Variants in TFPI observed in about 807,000 individuals in gnomAD.
TFPI encodes the protein tissue factor pathway inhibitor, also known as anti-convertin.
In TFPI, 15 loss-of-function variants were observed where a neutral mutation model predicts 34.6. That is an observed-to-expected ratio of 0.43 (90% CI 0.29 to 0.67). The LOEUF (loss-of-function observed/expected upper bound fraction) is 0.67. TFPI is among the 30% of genes least tolerant of loss of function. The pLI, the probability that TFPI is intolerant of heterozygous loss-of-function variation, is 0.15. For synonymous variants in TFPI, 105 were observed against 120.1 expected, an observed-to-expected ratio of 0.87 and a Z score of 0.82; for missense variants, 301 against 364.0, an observed-to-expected ratio of 0.83 and a Z score of 1.41.
intron 2 of TFPI, chr2:187,499,604 CAGTA>C (rs1176238340): frequency 6.6e-6 from 1 of 150,852 alleles, no homozygotes; most frequent in African/African-American, 2.5e-5. Flanking sequence ...AGCAGGCCCA[CAGTA>C]AGTATCATCA....
chr2:187,549,792 G>C (rs142285093), intron 1 of TFPI, among the ~76,000 whole-genome samples: 11 of 151,640 alleles, frequency 7.3e-5, no homozygotes, highest in African/African-American at 2.7e-4. Context: ...TGTTTTTTAA[G>C]GTGTTATGAA....
intron 1 of TFPI, among the ~76,000 whole-genome samples, chr2:187,552,842 A>G (rs924692100): frequency 1.3e-5 from 2 of 152,124 alleles, no homozygotes; most frequent in African/African-American, 4.8e-5. Context: ...GTTTTCCAAT[A>G]TAACTACTCA....
At chr2:187,470,460 A>C (rs1449781606) in intron 6 of TFPI, among the ~76,000 whole-genome samples, 1 of 152,188 alleles carries the variant, frequency 6.6e-6, no homozygotes, top group Non-Finnish European at 1.5e-5. Flanking sequence ...CAGTCCCTAG[A>C]TTGGACGTAT....
intron 6 of TFPI, among the ~76,000 whole-genome samples, chr2:187,483,148 T>A (rs1037385020): frequency 6.6e-6 from 1 of 151,998 alleles, no homozygotes. Flanking sequence ...TTGGCTTGCT[T>A]GCTTAGTTGT....
intron 6 of TFPI, among the ~76,000 whole-genome samples, chr2:187,470,374 A>G (rs561362030): frequency 1.3e-5 from 2 of 152,280 alleles, no homozygotes; most frequent in East Asian, 1.9e-4. Flanking sequence ...CATACAACCT[A>G]TAGTAAACAT....
chr2:187,536,295 A>T, intron 1 of TFPI, among the ~76,000 whole-genome samples: 1 of 152,232 alleles, frequency 6.6e-6, no homozygotes, highest in East Asian at 1.9e-4. Flanking sequence ...AGAAAAATTC[A>T]GGCCAATATC....
intron 1 of TFPI, among the ~76,000 whole-genome samples, chr2:187,525,826 A>C (rs901173085): frequency 1.3e-5 from 2 of 151,150 alleles, no homozygotes; most frequent in African/African-American, 4.9e-5. Context: ...CTCCAGGACC[A>C]TGAGGAAATA....
At chr2:187,540,900 AAAAAAAAG>A (rs1459203324) in intron 1 of TFPI, among the ~76,000 whole-genome samples, 9 of 150,382 alleles carry the variant, frequency 6.0e-5, no homozygotes, top group South Asian at 2.1e-4. Flanking sequence ...CAAAAAAAAA[AAAAAAAAG>A]AAAAAAGAAA....
At chr2:187,489,383 G>GGTGT (rs3836091) in intron 3 of TFPI, among the ~76,000 whole-genome samples, 2,574 of 149,720 alleles carry the variant, frequency 0.017, 36 homozygotes, top group Non-Finnish European at 0.023. Flanking sequence ...TAAAAAAAGA[G>GGTGT]GTGTGTGTGT....
chr2:187,475,212 G>T (rs899763518), intron 6 of TFPI, among the ~76,000 whole-genome samples: 3 of 152,136 alleles, frequency 2.0e-5, no homozygotes, highest in African/African-American at 7.2e-5. Flanking sequence ...AAATTAGGAA[G>T]TACACAGATC....
intron 1 of TFPI, among the ~76,000 whole-genome samples, chr2:187,505,859 G>A (rs529043464): frequency 1.5e-4 from 23 of 152,124 alleles, no homozygotes; most frequent in African/African-American, 5.5e-4. Context: ...TGGTGGAAAC[G>A]GACAAGTGTA....
chr2:187,513,778 T>C (rs1250976625), intron 1 of TFPI: 1 of 152,344 alleles, frequency 6.6e-6, no homozygotes, highest in Non-Finnish European at 1.5e-5. Context: ...TTTCATCTAT[T>C]CTATTACTCT....
At chr2:187,530,604 C>T (rs1019154328) in intron 1 of TFPI, among the ~76,000 whole-genome samples, 3 of 152,124 alleles carry the variant, frequency 2.0e-5, no homozygotes, top group African/African-American at 4.8e-5. Context: ...TCTTTCAGAG[C>T]GTAAAATAAC....
intron 1 of TFPI, among the ~76,000 whole-genome samples, chr2:187,540,451 A>AG (rs1369323794): frequency 1.3e-5 from 2 of 152,212 alleles, no homozygotes; most frequent in African/African-American, 4.8e-5. Flanking sequence ...GATCCTTGGT[A>AG]AAGTGAAATA....
At chr2:187,482,477 G>T (rs1010299652) in intron 6 of TFPI, among the ~76,000 whole-genome samples, 1 of 152,122 alleles carries the variant, frequency 6.6e-6, no homozygotes, top group East Asian at 1.9e-4. Context: ...GAACGAAGTA[G>T]TATTTAAAAA....
intron 1 of TFPI, among the ~76,000 whole-genome samples, chr2:187,538,482 G>A (rs1574522451): frequency 6.6e-6 from 1 of 152,116 alleles, no homozygotes; most frequent in Non-Finnish European, 1.5e-5. Flanking sequence ...AACTAACACA[G>A]GAACAGAAAA....
At chr2:187,500,938 C>G (rs2106107298) in intron 2 of TFPI, among the ~76,000 whole-genome samples, 1 of 152,272 alleles carries the variant, frequency 6.6e-6, no homozygotes, top group South Asian at 2.1e-4. Context: ...ACAGATATGA[C>G]AGTAAATTAG....
Position 187,496,876 on chromosome 2 carries a change from C to T in TFPI, c.319+5G>A. 6.2e-7 allele frequency: 1 copy of T among 1,612,376 alleles called. No homozygotes were observed. Among genetic ancestry groups the T allele is most frequent in the Non-Finnish European group, 8.5e-7 (1 of 1,179,044 alleles). ...CTTGAGTAATAAGGGTTCCCAGAAA[C>T]CTACCTCTTGTACACATTTTTTTGC... On this transcript the variant is annotated splice_donor_5th_base_variant and intron_variant, in intron 3 of 7. Coordinates refer to ENST00000233156, the MANE Select transcript of TFPI (RefSeq NM_006287.6).
chr2:187,468,029 T>A, intron 6 of TFPI, 97 bp from the exon 7 acceptor site: 1 of 1,029,320 alleles, frequency 9.7e-7, no homozygotes, highest in Non-Finnish European at 1.3e-6. Context: ...GTTGCATGTG[T>A]ATGTAAAACA....
Sources: gnomAD v4.1 joint callset for allele counts (sites outside exome capture counted in the v4.1 genomes callset) on GRCh38, gnomAD v4.1.1 for gene constraint, MANE v1.5 for transcripts, NCBI Gene and HGNC (gene_info 2026-07-23, HGNC 2026-07-21) for gene names.